PIP5K1B: variants seen among roughly 807,000 people sequenced by gnomAD.
The protein encoded by PIP5K1B is phosphatidylinositol-4-phosphate 5-kinase type 1 beta, also known as phosphatidylinositol 4-phosphate 5-kinase type-1 beta.
Under a neutral mutation model 67.0 loss-of-function variants are expected in PIP5K1B, and 42 were observed. That is an observed-to-expected ratio of 0.63 (90% confidence interval 0.49 to 0.81). PIP5K1B has a LOEUF of 0.81. PIP5K1B is among the 30% of genes least tolerant of loss of function. PIP5K1B has a pLI of 0.00. For synonymous variants in PIP5K1B, 214 were observed against 231.4 expected (o/e 0.92, Z 0.68); for missense variants, 459 against 646.3 (o/e 0.71, Z 3.14).
intron 1 of PIP5K1B, among the ~76,000 whole-genome samples, chr9:68,719,926 T>C (rs1162970604): frequency 6.6e-6 from 1 of 152,214 alleles, no homozygotes; most frequent in Non-Finnish European, 1.5e-5. Flanking sequence ...CTAAGTATCC[T>C]ACACATGTGC....
intron 4 of PIP5K1B, among the ~76,000 whole-genome samples, chr9:68,835,275 G>C (rs1321594021): frequency 2.6e-5 from 4 of 152,188 alleles, no homozygotes; most frequent in Admixed American, 6.5e-5. Context: ...AGAACAGACA[G>C]AACATTGGAC....
At chr9:68,886,971 C>T (rs931847937) in intron 6 of PIP5K1B, among the ~76,000 whole-genome samples, 2 of 152,202 alleles carry the variant, frequency 1.3e-5, no homozygotes. Flanking sequence ...TTGAGCCCAC[C>T]ACATCTCAGG....
At chr9:68,732,489 G>A (rs910526143) in intron 1 of PIP5K1B, among the ~76,000 whole-genome samples, 18 of 152,054 alleles carry the variant, frequency 1.2e-4, no homozygotes, top group African/African-American at 4.3e-4. Context: ...CCGGTGTTAG[G>A]GATCAACCAC....
At chr9:68,862,165 T>C (rs116217762) in intron 4 of PIP5K1B, among the ~76,000 whole-genome samples, 21 of 152,268 alleles carry the variant, frequency 1.4e-4, no homozygotes, top group African/African-American at 4.3e-4. Flanking sequence ...CTAGCCCTGC[T>C]CTAGATGTAG....
chr9:68,977,997 G>C (rs748457229), intron 14 of PIP5K1B, among the ~76,000 whole-genome samples: 3 of 151,898 alleles, frequency 2.0e-5, no homozygotes, highest in Non-Finnish European at 4.4e-5. Context: ...CTCAACTTTT[G>C]GGGGTTTTTA....
At chr9:68,849,228 A>G (rs549601573) in intron 4 of PIP5K1B, among the ~76,000 whole-genome samples, 2 of 152,336 alleles carry the variant, frequency 1.3e-5, no homozygotes, top group African/African-American at 4.8e-5. Flanking sequence ...AGTGTCTATC[A>G]ATAAGAGAGT....
chr9:68,792,459 TTTG>T (rs138152836), intron 2 of PIP5K1B, among the ~76,000 whole-genome samples: 48,055 of 147,106 alleles, frequency 0.33, 7,761 homozygotes, highest in African/African-American at 0.37. Flanking sequence ...CATGTGTTTT[TTTG>T]TTGTTGTTTG....
intron 4 of PIP5K1B, among the ~76,000 whole-genome samples, chr9:68,845,318 T>C (rs1822131744): frequency 6.6e-6 from 1 of 152,208 alleles, no homozygotes; most frequent in African/African-American, 2.4e-5. Flanking sequence ...TACTTCTCTT[T>C]TTCTACCTTT....
chr9:68,783,975 C>G (rs757588547), intron 2 of PIP5K1B: 1 of 167,180 alleles, frequency 6.0e-6, no homozygotes, highest in Non-Finnish European at 1.5e-5. Context: ...CCTCCTCCCC[C>G]CTCGTTTTCT....
intron 15 of PIP5K1B, among the ~76,000 whole-genome samples, chr9:68,996,991 T>C (rs1212589718): frequency 6.6e-6 from 1 of 152,224 alleles, no homozygotes; most frequent in African/African-American, 2.4e-5. Flanking sequence ...AATACAAAAA[T>C]AGCTGTGAGC....
intron 4 of PIP5K1B, among the ~76,000 whole-genome samples, chr9:68,835,837 A>ATTTT (rs9314823): frequency 7.6e-4 from 110 of 144,320 alleles, no homozygotes; most frequent in African/African-American, 2.2e-3. Flanking sequence ...TAGAAAGTGA[A>ATTTT]TTTTTTTTTT....
intron 1 of PIP5K1B, among the ~76,000 whole-genome samples, chr9:68,722,379 A>G (rs1827931213): frequency 6.6e-6 from 1 of 151,744 alleles, no homozygotes; most frequent in East Asian, 1.9e-4. Context: ...TAATTTTTGT[A>G]TTTTTAGTAG....
chr9:68,979,153 G>A (rs1233939946), intron 14 of PIP5K1B, among the ~76,000 whole-genome samples: 2 of 152,148 alleles, frequency 1.3e-5, no homozygotes, highest in African/African-American at 4.8e-5. Flanking sequence ...ACAGGAAAGG[G>A]CTAATTTTCT....
chr9:69,006,716 C>A lies in PIP5K1B; in HGVS notation c.1621-1731C>A, dbSNP rs565775597. ...GCATCACTCAGGTTACTCACTGTCCCTCTCAGAGTCTGGCACTGGAAATGA... is the reference window on the plus strand; with the variant it reads ...GCATCACTCAGGTTACTCACTGTCCATCTCAGAGTCTGGCACTGGAAATGA... On this transcript the variant is annotated intron_variant, in intron 15 of 15. Coordinates refer to ENST00000265382, the MANE Select transcript of PIP5K1B (RefSeq NM_003558.4). Among the ~76,000 whole-genome samples, 16 of 152,338 alleles carry A rather than the reference C, an allele frequency of 1.1e-4. No individual in the cohort carries two copies. The South Asian group carries it at 3.3e-3, about 32-fold the overall frequency.
chr9:68,904,911 G>A (rs1223158321), intron 8 of PIP5K1B, among the ~76,000 whole-genome samples: 2 of 152,040 alleles, frequency 1.3e-5, no homozygotes, highest in Non-Finnish European at 2.9e-5. Flanking sequence ...AGATTGGAGA[G>A]TTGAAGCATT....
At chr9:68,905,255 A>C (rs1019342734) in intron 8 of PIP5K1B, among the ~76,000 whole-genome samples, 6 of 152,130 alleles carry the variant, frequency 3.9e-5, no homozygotes, top group Non-Finnish European at 8.8e-5. Flanking sequence ...GCAGAGAGGA[A>C]AGCTATGGCA....
chr9:68,990,483 A>G (rs1202529396), intron 14 of PIP5K1B, among the ~76,000 whole-genome samples: 1 of 151,770 alleles, frequency 6.6e-6, no homozygotes, highest in Admixed American at 6.6e-5. Context: ...AGGGTAGTGT[A>G]AATACTGTAA....
chr9:68,720,798 G>A (rs1827845582), intron 1 of PIP5K1B, among the ~76,000 whole-genome samples: 1 of 152,148 alleles, frequency 6.6e-6, no homozygotes, highest in African/African-American at 2.4e-5. Flanking sequence ...CCTGCTGCTA[G>A]AGAATGATTT....
chr9:68,817,303 G>A lies in PIP5K1B; in HGVS notation c.-85-1158G>A, dbSNP rs140972800. On this transcript the variant is annotated intron_variant, in intron 2 of 15. Coordinates refer to ENST00000265382, the MANE Select transcript of PIP5K1B (RefSeq NM_003558.4). ...GGCTGATTGCTTCAACCTTTGCACC[G>A]GAAAGAAATGTAGCAATAGTCATTC... is the stretch of plus-strand genomic sequence containing the variant. Among the ~76,000 whole-genome samples, 16 of 152,306 alleles carry A rather than the reference G, an allele frequency of 1.1e-4. No homozygotes were observed. In the East Asian group the frequency reaches 2.3e-3, roughly 22 times the overall value.
Sources: gnomAD v4.1 joint callset for allele counts (sites outside exome capture counted in the v4.1 genomes callset) on GRCh38, gnomAD v4.1.1 for gene constraint, MANE v1.5 for transcripts, NCBI Gene and HGNC (gene_info 2026-07-23, HGNC 2026-07-21) for gene names.